Variants in SLC8A1 observed in about 807,000 individuals in gnomAD.
The protein encoded by SLC8A1 is sodium/calcium exchanger 1.
Under a neutral mutation model 68.3 loss-of-function variants are expected in SLC8A1, and 18 were observed. That is an observed-to-expected ratio of 0.26 (90% confidence interval 0.18 to 0.39). The LOEUF is 0.39. Ranked by LOEUF, SLC8A1 falls within the 10% of genes least tolerant of loss-of-function variation. The probability of loss-of-function intolerance (pLI) is 1.00; values close to 1 mark genes in which losing one functional copy is unlikely to be tolerated. For missense variants in SLC8A1, 985 were observed against 1,156.7 expected (o/e 0.85, Z 2.15); for synonymous variants, 475 against 415.5 (o/e 1.14, Z -1.74).
At chr2:40,122,242 A>G (rs754124613) in intron 7 of SLC8A1, among the ~76,000 whole-genome samples, 7 of 151,930 alleles carry the variant, frequency 4.6e-5, no homozygotes, top group Non-Finnish European at 7.4e-5. Context: ...GCGCGCACAC[A>G]CACACACACA....
chr2:40,454,534 G>C (rs1180747512), upstream of SLC8A1, among the ~76,000 whole-genome samples: 1 of 147,428 alleles, frequency 6.8e-6, no homozygotes, highest in African/African-American at 2.6e-5. Flanking sequence ...CTACATCTTG[G>C]CCACTTGATT....
intron 2 of SLC8A1, among the ~76,000 whole-genome samples, chr2:40,203,858 C>A (rs1163174774): frequency 6.6e-6 from 1 of 151,866 alleles, no homozygotes; most frequent in Non-Finnish European, 1.5e-5. Flanking sequence ...GCATGAACTA[C>A]CACACCTGGC....
At chr2:40,300,943 ATCTATACGTAATTG>A (rs1177377084) in intron 2 of SLC8A1, among the ~76,000 whole-genome samples, 3 of 152,184 alleles carry the variant, frequency 2.0e-5, no homozygotes, top group African/African-American at 7.2e-5. Flanking sequence ...TTTAGTAATA[ATCTATACGTAATTG>A]TCCTTTTTAT....
intron 2 of SLC8A1, among the ~76,000 whole-genome samples, chr2:40,309,825 T>C (rs182792625): frequency 6.6e-6 from 1 of 152,284 alleles, no homozygotes; most frequent in Admixed American, 6.5e-5. Flanking sequence ...TATTGATATA[T>C]AATTTACATA....
intron 2 of SLC8A1, among the ~76,000 whole-genome samples, chr2:40,354,160 AAT>A (rs1671988746): frequency 6.6e-6 from 1 of 152,220 alleles, no homozygotes; most frequent in African/African-American, 2.4e-5. Flanking sequence ...TCTCCCTAGA[AAT>A]ATATGAGTGC....
intron 2 of SLC8A1, among the ~76,000 whole-genome samples, chr2:40,200,062 T>C (rs916092004): frequency 8.3e-5 from 12 of 145,200 alleles, no homozygotes; most frequent in Non-Finnish European, 1.6e-4. Flanking sequence ...CCAGAGGACT[T>C]GCCAAGCACA....
At chr2:40,246,372 A>C (rs1465051811) in intron 2 of SLC8A1, among the ~76,000 whole-genome samples, 1 of 152,250 alleles carries the variant, frequency 6.6e-6, no homozygotes, top group East Asian at 1.9e-4. Flanking sequence ...ACTTTTGGCC[A>C]GAGTCAAATA....
chr2:40,495,302 G>A (rs982649134), intron 1 of SLC8A1, among the ~76,000 whole-genome samples: 2 of 151,974 alleles, frequency 1.3e-5, no homozygotes, highest in African/African-American at 4.8e-5. Context: ...AACAAATGGA[G>A]TCATACTAAT....
chr2:40,400,759 G>A (rs13399832), intron 2 of SLC8A1, among the ~76,000 whole-genome samples: 1 of 152,172 alleles, frequency 6.6e-6, no homozygotes, highest in Admixed American at 6.5e-5. Flanking sequence ...GCTCTTCTCA[G>A]AAAACTAGAA....
intron 1 of SLC8A1, among the ~76,000 whole-genome samples, chr2:40,502,564 C>A (rs1434267621): frequency 1.3e-5 from 2 of 151,970 alleles, no homozygotes; most frequent in African/African-American, 4.8e-5. Context: ...TTGGTTCTTA[C>A]AATAAGAATA....
chr2:40,129,804 C>T (rs1293098122), intron 7 of SLC8A1, among the ~76,000 whole-genome samples: 2 of 152,162 alleles, frequency 1.3e-5, no homozygotes, highest in African/African-American at 4.8e-5. Flanking sequence ...TCTGGCCAAC[C>T]TAGAGTATGT....
intron 2 of SLC8A1, among the ~76,000 whole-genome samples, chr2:40,188,750 A>C (rs2051182148): frequency 6.6e-6 from 1 of 152,174 alleles, no homozygotes; most frequent in African/African-American, 2.4e-5. Flanking sequence ...GGCTTTCTTA[A>C]GTCTTAAAAT....
chr2:40,490,514 C>T (rs78761279), intron 1 of SLC8A1, among the ~76,000 whole-genome samples: 1,959 of 152,036 alleles, frequency 0.013, 33 homozygotes, highest in African/African-American at 0.045. Context: ...CAATAAGTTT[C>T]GAGGAAACAA....
chr2:40,196,499 T>G (rs143209277), intron 2 of SLC8A1, among the ~76,000 whole-genome samples: 1 of 151,956 alleles, frequency 6.6e-6, no homozygotes, highest in Non-Finnish European at 1.5e-5. Context: ...TGTGAAGCTT[T>G]AGAAACGAAG....
chr2:40,152,763 G>T (rs1350685021), intron 6 of SLC8A1, among the ~76,000 whole-genome samples: 4 of 151,894 alleles, frequency 2.6e-5, no homozygotes, highest in African/African-American at 4.8e-5. Context: ...AAGCAGGGTG[G>T]CAGCTTGGGT....
intron 2 of SLC8A1, among the ~76,000 whole-genome samples, chr2:40,329,060 T>TCACACACACACA (rs70957170): frequency 2.1e-5 from 3 of 141,144 alleles, no homozygotes. Context: ...CACTACAACC[T>TCACACACACACA]CACACACACA....
intron 2 of SLC8A1, among the ~76,000 whole-genome samples, chr2:40,218,815 G>A (rs191664214): frequency 5.9e-5 from 9 of 152,188 alleles, no homozygotes; most frequent in East Asian, 1.9e-4. Flanking sequence ...CACCTCTATC[G>A]TTGGATGAAA....
chr2:40,204,110 T>C (rs189527547), intron 2 of SLC8A1, among the ~76,000 whole-genome samples: 1 of 152,092 alleles, frequency 6.6e-6, no homozygotes, highest in Non-Finnish European at 1.5e-5. Flanking sequence ...ATTTGAAAAA[T>C]GCACACATGC....
chr2:40,437,406 G>C (rs13031785), intron 1 of SLC8A1, among the ~76,000 whole-genome samples: 1 of 152,088 alleles, frequency 6.6e-6, no homozygotes, highest in East Asian at 1.9e-4. Flanking sequence ...ACTTCTATTC[G>C]TCACATAGCA....
Sources: gnomAD v4.1 joint callset for allele counts (sites outside exome capture counted in the v4.1 genomes callset) on GRCh38, gnomAD v4.1.1 for gene constraint, MANE v1.5 for transcripts, NCBI Gene and HGNC (gene_info 2026-07-23, HGNC 2026-07-21) for gene names.